Variants in WASF3 observed in about 807,000 individuals in gnomAD.
WASF3 encodes actin-binding protein WASF3.
Under a neutral mutation model 46.6 loss-of-function variants are expected in WASF3, and 11 were observed. The ratio of observed to expected loss-of-function variants is 0.24; its 90% CI spans 0.15 to 0.39. WASF3 has a LOEUF of 0.39. WASF3 is among the 10% of genes least tolerant of loss of function. WASF3 has a pLI of 1.00. For synonymous variants in WASF3, 242 were observed against 259.7 expected (o/e 0.93, Z 0.65); for missense variants, 576 against 669.8 (o/e 0.86, Z 1.55).
chr13:26,622,927 T>G (rs1377162358), intron 2 of WASF3, among the ~76,000 whole-genome samples: 1 of 152,196 alleles, frequency 6.6e-6, no homozygotes, highest in Admixed American at 6.5e-5. Flanking sequence ...AGAACATTGC[T>G]TCTATTTTAA....
At chr13:26,651,660 TG>T (rs1293783624) in intron 3 of WASF3, among the ~76,000 whole-genome samples, 1 of 152,224 alleles carries the variant, frequency 6.6e-6, no homozygotes, top group Non-Finnish European at 1.5e-5. Context: ...TTTGGAAACC[TG>T]GATCTGCAAG....
Position 26,564,760 on chromosome 13 carries a change from T to TA in WASF3, c.-109+6942dup, listed in dbSNP as rs1879405361. Among the ~76,000 whole-genome samples the TA allele has an allele frequency of 2.0e-5, 3 of 152,338 alleles. No homozygotes were observed. In the East Asian group the frequency reaches 5.8e-4, roughly 29 times the overall value. ...GTATTTTTACATTGACTGAAAATGT[T>TA]ATGTGTTTTGATTCATGGTTATATA... On this transcript the variant is annotated intron_variant, in intron 1 of 9. Transcript: ENST00000335327.
Position 26,557,822 on chromosome 13 carries a change from G to A in WASF3, c.-109+3G>A, listed in dbSNP as rs1237791949. The A allele has an allele frequency of 2.3e-5, 7 of 302,718 alleles. No individual in the cohort carries two copies. The East Asian group carries it at 3.2e-4, about 14-fold the overall frequency. The allele number at this position is 302,718 out of a possible 1,614,324, so 18.8% of individuals were successfully genotyped here. ...GCCGGCGGCGGGACCGCGGACCGGT[G>A]AGTGAGGGCTGCGGTCGCCCCGGCT... is the stretch of plus-strand genomic sequence containing the variant. On this transcript the variant is annotated splice_donor_region_variant and intron_variant, in intron 1 of 9. Transcript: ENST00000335327.
At chr13:26,677,247 C>T (rs957145883) in intron 7 of WASF3, among the ~76,000 whole-genome samples, 2 of 152,168 alleles carry the variant, frequency 1.3e-5, no homozygotes, top group African/African-American at 2.4e-5. Context: ...ATTCTATTGG[C>T]GTTTACTTAA....
intron 2 of WASF3, among the ~76,000 whole-genome samples, chr13:26,624,133 A>T (rs1881394525): frequency 6.6e-6 from 1 of 152,242 alleles, no homozygotes; most frequent in Non-Finnish European, 1.5e-5. Context: ...AAATCAAGAG[A>T]TAAAGCAATC....
chr13:26,650,640 C>T (rs1882286270), intron 3 of WASF3, among the ~76,000 whole-genome samples: 1 of 152,036 alleles, frequency 6.6e-6, no homozygotes, highest in Non-Finnish European at 1.5e-5. Flanking sequence ...GAATGTACTG[C>T]AAAAGATGAA....
upstream of WASF3, among the ~76,000 whole-genome samples, chr13:26,554,107 C>CTT (rs1555245934): frequency 8.4e-6 from 1 of 118,532 alleles, no homozygotes; most frequent in Non-Finnish European, 1.7e-5. Context: ...TTCTTTCTTT[C>CTT]TTTCTTTCTT....
At chr13:26,592,509 G>A (rs1025468276) in intron 1 of WASF3, among the ~76,000 whole-genome samples, 5 of 152,092 alleles carry the variant, frequency 3.3e-5, no homozygotes, top group African/African-American at 1.2e-4. Flanking sequence ...GTTTACCTGC[G>A]AGTTCTTTGT....
chr13:26,576,973 T>G, intron 1 of WASF3: 2 of 717,664 alleles, frequency 2.8e-6, no homozygotes, highest in East Asian at 2.5e-5. Context: ...TAAGAAAGAG[T>G]GGTATGATGT....
chr13:26,558,430 T>A (rs1025233416), intron 1 of WASF3, among the ~76,000 whole-genome samples: 2 of 146,612 alleles, frequency 1.4e-5, no homozygotes, highest in Non-Finnish European at 3.1e-5. Flanking sequence ...ACTCTTGGAG[T>A]GCAGGGGAGG....
chr13:26,542,698 A>G, the WASF3 span, among the ~76,000 whole-genome samples: 1 of 152,236 alleles, frequency 6.6e-6, no homozygotes, highest in African/African-American at 2.4e-5. Flanking sequence ...TTGAAGTGAC[A>G]TATCTGAAAA....
intron 1 of WASF3, among the ~76,000 whole-genome samples, chr13:26,604,890 A>C (rs1227459722): frequency 6.6e-6 from 1 of 152,220 alleles, no homozygotes; most frequent in African/African-American, 2.4e-5. Flanking sequence ...CCAAGGACAC[A>C]GTGTCCCACT....
At chr13:26,620,233 G>A (rs1218370524) in intron 2 of WASF3, among the ~76,000 whole-genome samples, 1 of 151,990 alleles carries the variant, frequency 6.6e-6, no homozygotes, top group African/African-American at 2.4e-5. Flanking sequence ...AAAGCATCTC[G>A]GAGGTTCCTG....
chr13:26,606,238 T>C (rs1880791949), intron 1 of WASF3, among the ~76,000 whole-genome samples: 1 of 152,090 alleles, frequency 6.6e-6, no homozygotes, highest in Non-Finnish European at 1.5e-5. Context: ...GACAGACAGG[T>C]GGATACACAC....
intron 5 of WASF3, among the ~76,000 whole-genome samples, chr13:26,668,277 C>T (rs1882830177): frequency 6.6e-6 from 1 of 152,210 alleles, no homozygotes; most frequent in Non-Finnish European, 1.5e-5. Context: ...CTAAACACCC[C>T]TCCTGCCTTC....
chr13:26,600,989 GTAGA>G (rs1385309687), intron 1 of WASF3, among the ~76,000 whole-genome samples: 2 of 152,174 alleles, frequency 1.3e-5, no homozygotes, highest in African/African-American at 2.4e-5. Flanking sequence ...AGGTTATATA[GTAGA>G]TAGAGCCATG....
In WASF3 at chr13:26,687,874, T is replaced by G. The variant is rs1385182359; in HGVS notation, c.*2029T>G. On this transcript the variant is annotated 3_prime_UTR_variant, in exon 10 of 10. Transcript: ENST00000335327. ...TCTAGAACTCCCCTTTGGTAATGCT[T>G]CTTTGTTTTTTTATGGCCCTTCTGT... 2 of 152,144 alleles carry G rather than the reference T, an allele frequency of 1.3e-5. No individual in the cohort carries two copies. Among genetic ancestry groups the G allele is most frequent in the African/African-American group, 4.8e-5 (2 of 41,436 alleles). 9.4% of individuals were successfully genotyped at this position (152,144 alleles called of 1,614,324 possible).
chr13:26,555,989 T>C (rs148415587), upstream of WASF3, among the ~76,000 whole-genome samples: 34 of 152,326 alleles, frequency 2.2e-4, no homozygotes, highest in African/African-American at 7.5e-4. Context: ...ATTTGTACCA[T>C]GAACCACAAC....
At position 26,642,302 on chromosome 13, in the gene WASF3, G is replaced by A. The variant is rs145251421; in HGVS notation, c.32G>A (p.Arg11Gln). 8.2e-6 allele frequency: 13 copies of A among 1,594,848 alleles called. No homozygotes were observed. The highest frequency in any genetic ancestry group is 2.7e-5 in the African/African-American group (2 of 73,448). The change falls in exon 3 of 10, where the codon CGG becomes CAG. Residue 11 changes from arginine (R) to glutamine (Q), a missense_variant. Arg to Gln is a conservative substitution (Grantham distance 43, BLOSUM62 1). This residue lies in a region of WASF3 where 213 missense variants were observed against 278.0 expected (regional missense o/e 0.77). Transcript: ENST00000335327. ...TTAGTGAAGAGGAACATTGAGCCCC[G>A]GCACTTGTGCCGGGGAGCTCTGCCT... MPLVKRNIEPRHLCRGALPEG... is the reference protein window; with the variant it reads MPLVKRNIEPQHLCRGALPEG...
Sources: allele counts gnomAD v4.1 joint callset (sites outside exome capture counted in the v4.1 genomes callset), GRCh38; gene constraint gnomAD v4.1.1; regional missense constraint gnomAD v4.1.1; transcripts MANE v1.5; gene names NCBI Gene and HGNC (gene_info 2026-07-23, HGNC 2026-07-21).